RLIG1: variants seen among roughly 807,000 people sequenced by gnomAD.
RLIG1 encodes the protein RNA 5'-phosphate and 3'-OH ligase 1, also known as RNA ligase 1.
chr12:88,042,772 TCA>T, the RLIG1 span: 1 of 1,181,682 alleles, frequency 8.5e-7, no homozygotes. Context: ...GAAATGTCTT[TCA>T]AGATAAGTTT....
At chr12:88,045,679 T>G in the RLIG1 span, 2 of 1,613,164 alleles carry the variant, frequency 1.2e-6, no homozygotes. Flanking sequence ...AACATCATCC[T>G]GATGATTCTG....
At chr12:88,035,876 G>A in the RLIG1 span, 5 of 1,507,686 alleles carry the variant, frequency 3.3e-6, no homozygotes, top group East Asian at 2.5e-5. Flanking sequence ...GTTTCCCTGG[G>A]GAGGTCTGGG....
At chr12:88,035,935 T>C in the RLIG1 span, 33 of 1,520,818 alleles carry the variant, frequency 2.2e-5, no homozygotes, top group East Asian at 7.4e-5. Context: ...CTTTTCTTAG[T>C]TGTGAGGGAG....
chr12:88,039,450 T>TA, the RLIG1 span, among the ~76,000 whole-genome samples: 1 of 152,202 alleles, frequency 6.6e-6, no homozygotes, highest in Non-Finnish European at 1.5e-5. Context: ...CAGAAGCACT[T>TA]ATGAAGTTTA....
the RLIG1 span, among the ~76,000 whole-genome samples, chr12:88,039,457 TTTAAG>T: frequency 6.6e-6 from 1 of 152,186 alleles, no homozygotes; most frequent in African/African-American, 2.4e-5. Flanking sequence ...ACTTATGAAG[TTTAAG>T]TTAATTAAGC....
At chr12:88,039,144 T>C in the RLIG1 span, among the ~76,000 whole-genome samples, 259 of 152,248 alleles carry the variant, frequency 1.7e-3, 1 homozygote, top group African/African-American at 5.9e-3. Context: ...ACAAATTTTC[T>C]ATAATGAGCA....
the RLIG1 span, among the ~76,000 whole-genome samples, chr12:88,046,256 A>T: frequency 6.6e-6 from 1 of 152,146 alleles, no homozygotes; most frequent in East Asian, 1.9e-4. Flanking sequence ...GGGAAGACAG[A>T]CCTAAGGATG....
At chr12:88,045,582 G>A in the RLIG1 span, 1 of 1,607,530 alleles carries the variant, frequency 6.2e-7, no homozygotes, top group Non-Finnish European at 8.5e-7. Context: ...TATATGATAG[G>A]TTGGGTACCA....
At chr12:88,035,575 C>T in the RLIG1 span, 3 of 1,475,450 alleles carry the variant, frequency 2.0e-6, no homozygotes, top group Middle Eastern at 1.7e-4. Flanking sequence ...GTGACTGCTT[C>T]AGGGCTTCTC....
the RLIG1 span, among the ~76,000 whole-genome samples, chr12:88,046,092 C>T: frequency 3.3e-5 from 5 of 152,204 alleles, no homozygotes; most frequent in East Asian, 9.7e-4. Flanking sequence ...GATGAAAATG[C>T]ACTTTTCATG....
the RLIG1 span, chr12:88,049,291 C>T: frequency 4.0e-5 from 65 of 1,605,522 alleles, no homozygotes; most frequent in East Asian, 1.3e-4. Flanking sequence ...AGTTTTTTTA[C>T]CTTCTCTTCT....
At chr12:88,043,008 T>A in the RLIG1 span, 1 of 656,628 alleles carries the variant, frequency 1.5e-6, no homozygotes, top group Non-Finnish European at 2.3e-6. Context: ...TATATCCTTC[T>A]GTGTAATTTA....
chr12:88,035,897 C>G, the RLIG1 span: 1 of 1,504,410 alleles, frequency 6.6e-7, no homozygotes, highest in East Asian at 2.5e-5. Flanking sequence ...GTGGGAGTTC[C>G]GTACGCCCTG....
At chr12:88,045,725 C>T in the RLIG1 span, 1 of 1,613,182 alleles carries the variant, frequency 6.2e-7, no homozygotes, top group Non-Finnish European at 8.5e-7. Flanking sequence ...ACTTTCAGAT[C>T]TCTTAGAACA....
the RLIG1 span, chr12:88,049,410 T>G: frequency 3.6e-6 from 5 of 1,399,494 alleles, no homozygotes; most frequent in Non-Finnish European, 4.9e-6. Flanking sequence ...CTTCTTTATT[T>G]CCTCCTAATG....
the RLIG1 span, chr12:88,036,033 C>A: frequency 6.9e-7 from 1 of 1,455,046 alleles, no homozygotes; most frequent in Non-Finnish European, 9.1e-7. Context: ...CATGTCCCTT[C>A]CTTTTCAGGT....
At chr12:88,043,156 A>G in the RLIG1 span, among the ~76,000 whole-genome samples, 1 of 152,102 alleles carries the variant, frequency 6.6e-6, no homozygotes, top group African/African-American at 2.4e-5. Context: ...CTGCATATTG[A>G]AATGAGTGAC....
the RLIG1 span, chr12:88,048,192 A>G: frequency 7.1e-7 from 1 of 1,405,704 alleles, no homozygotes; most frequent in Non-Finnish European, 9.4e-7. Flanking sequence ...GAATGAAGAT[A>G]GTATCTGTAT....
the RLIG1 span, among the ~76,000 whole-genome samples, chr12:88,047,586 TTTTAA>T: frequency 1.3e-5 from 2 of 150,336 alleles, no homozygotes; most frequent in Non-Finnish European, 3.0e-5. Context: ...CAACTGTTAA[TTTTAA>T]TTTAAGCCAA....
Sources: allele counts gnomAD v4.1 joint callset (sites outside exome capture counted in the v4.1 genomes callset), GRCh38; gene constraint gnomAD v4.1.1; transcripts MANE v1.5; gene names NCBI Gene and HGNC (gene_info 2026-07-23, HGNC 2026-07-21).